R3HDM1: variants seen among roughly 807,000 people sequenced by gnomAD.
R3HDM1 encodes the protein R3H domain containing 1.
Under a neutral mutation model 141.1 loss-of-function variants are expected in R3HDM1, and 46 were observed. The observed-to-expected ratio is 0.33, with a 90% confidence interval of 0.26 to 0.42. R3HDM1 has a LOEUF of 0.42. R3HDM1 is among the 10% of genes least tolerant of loss of function. The probability of loss-of-function intolerance (pLI) is 1.00; values close to 1 mark genes in which losing one functional copy is unlikely to be tolerated. For missense variants in R3HDM1, 1,184 were observed against 1,368.3 expected, an observed-to-expected ratio of 0.87 and a Z score of 2.12; for synonymous variants, 435 against 472.9, an observed-to-expected ratio of 0.92 and a Z score of 1.04.
chr2:135,571,858 T>C (rs990173333), intron 1 of R3HDM1, among the ~76,000 whole-genome samples: 12 of 152,150 alleles, frequency 7.9e-5, no homozygotes, highest in African/African-American at 2.4e-4. Flanking sequence ...ACTCCTGGAC[T>C]CAAGCGATCT....
rs1559466005 is a variant in R3HDM1 at position 135,699,036 on chromosome 2, TA to T, written c.2460-10396del. 9.6e-3 allele frequency among the ~76,000 whole-genome samples: 1,045 copies of T among 108,340 alleles called. 8 individuals are homozygous for T. The highest frequency in any genetic ancestry group is 0.023 in the South Asian group (86 of 3,688). The allele number at this position is 108,340 out of a possible 152,430, so 71.1% of individuals were successfully genotyped here. A position where few individuals can be genotyped will look rare whatever the true frequency, so the allele number is the denominator to read the frequency against. ...ATAGATAGATAGATAGATAGATAGA[TA>T]GATAGATAAGATAGATAAGATAGAT... On this transcript the variant is annotated intron_variant, in intron 21 of 26. Coordinates refer to ENST00000683871, the MANE Select transcript of R3HDM1 (RefSeq NM_001378107.1).
At chr2:135,561,033 TGTATG>T (rs1263504872) in intron 1 of R3HDM1, among the ~76,000 whole-genome samples, 1 of 152,240 alleles carries the variant, frequency 6.6e-6, no homozygotes, top group Non-Finnish European at 1.5e-5. Flanking sequence ...TGGTAACAAA[TGTATG>T]GTACAACCAA....
intron 15 of R3HDM1, among the ~76,000 whole-genome samples, chr2:135,643,430 T>A (rs868160220): frequency 1.3e-4 from 19 of 150,870 alleles, no homozygotes; most frequent in Middle Eastern, 3.4e-3. Flanking sequence ...AAAAAAAAAA[T>A]GGAAAGGGAT....
chr2:135,571,191 A>G (rs1012532186), intron 1 of R3HDM1, among the ~76,000 whole-genome samples: 1 of 152,208 alleles, frequency 6.6e-6, no homozygotes. Flanking sequence ...AAAAAGTTTT[A>G]TATTTTATAG....
At chr2:135,659,071 G>GTGTGTGTGTGTGTGTGTGTGTGTGTGTA (rs1553607678) in intron 18 of R3HDM1, among the ~76,000 whole-genome samples, 2 of 150,344 alleles carry the variant, frequency 1.3e-5, no homozygotes, top group East Asian at 3.9e-4. Flanking sequence ...GTGTGTGTGT[G>GTGTGTGTGTGTGTGTGTGTGTGTGTGTA]TGTGTGTGTG....
At chr2:135,656,816 G>A (rs2065956402) in intron 18 of R3HDM1, among the ~76,000 whole-genome samples, 3 of 152,102 alleles carry the variant, frequency 2.0e-5, no homozygotes, top group Admixed American at 1.3e-4. Flanking sequence ...ATTGGCAGCC[G>A]GGCACAGTGG....
At chr2:135,535,790 T>C (rs1004319194) in intron 1 of R3HDM1, among the ~76,000 whole-genome samples, 2 of 152,226 alleles carry the variant, frequency 1.3e-5, no homozygotes, top group African/African-American at 4.8e-5. Context: ...AGCATCAACA[T>C]GACTGTATAT....
chr2:135,653,906 A>G (rs1462475089), intron 18 of R3HDM1, among the ~76,000 whole-genome samples: 2 of 152,096 alleles, frequency 1.3e-5, no homozygotes, highest in East Asian at 3.9e-4. Context: ...TTTTAGCGTT[A>G]TGTGGTTTTT....
At chr2:135,631,145 T>C (rs2062672100) in intron 7 of R3HDM1, among the ~76,000 whole-genome samples, 1 of 152,160 alleles carries the variant, frequency 6.6e-6, no homozygotes, top group African/African-American at 2.4e-5. Flanking sequence ...ATCTACATAC[T>C]AGTATTAGAT....
chr2:135,607,916 T>G (rs1031571876), intron 3 of R3HDM1: 1 of 983,572 alleles, frequency 1.0e-6, no homozygotes, highest in Non-Finnish European at 1.2e-6. Flanking sequence ...TCCTATAGCA[T>G]AGCGACTGTA....
intron 24 of R3HDM1, among the ~76,000 whole-genome samples, chr2:135,721,304 T>A (rs1318277237): frequency 6.6e-6 from 1 of 152,136 alleles, no homozygotes; most frequent in African/African-American, 2.4e-5. Context: ...ATAGTGAGAC[T>A]CTATCTCTAC....
At chr2:135,535,471 C>T (rs1421793276) in intron 1 of R3HDM1, among the ~76,000 whole-genome samples, 1 of 150,968 alleles carries the variant, frequency 6.6e-6, no homozygotes, top group East Asian at 1.9e-4. Context: ...TGCACTCCAG[C>T]CTGGCGACAG....
intron 19 of R3HDM1, chr2:135,669,538 A>G: frequency 1.0e-6 from 1 of 985,306 alleles, no homozygotes; most frequent in Non-Finnish European, 1.2e-6. Flanking sequence ...CAGAAAATGA[A>G]GCAAGGCCAG....
chr2:135,667,285 C>G (rs1016011990), intron 19 of R3HDM1: 12 of 882,596 alleles, frequency 1.4e-5, no homozygotes, highest in Admixed American at 1.2e-4. Context: ...TTATATTGTC[C>G]TAGTTCTCTT....
intron 2 of R3HDM1, 56 bp from the exon 3 acceptor site, chr2:135,604,750 C>A (rs1247260957): frequency 1.3e-5 from 17 of 1,295,632 alleles, no homozygotes; most frequent in Non-Finnish European, 1.9e-5. Context: ...AGGTCAGTAT[C>A]ATGCAGTAAC....
intron 3 of R3HDM1, among the ~76,000 whole-genome samples, chr2:135,612,357 C>T (rs921232917): frequency 1.3e-5 from 2 of 152,158 alleles, no homozygotes; most frequent in African/African-American, 4.8e-5. Context: ...AATTTTTCTT[C>T]ATAACAATTA....
chr2:135,722,020 C>G lies in R3HDM1; in HGVS notation c.2964+14C>G. On this transcript the variant is annotated intron_variant, in intron 25 of 26. Transcript: ENST00000683871. ...CCAAACCAACAGGTAGGAAAGACAACTAACCTCCTAGGCTTTGTTGCAGAA... is the reference window on the plus strand; with the variant it reads ...CCAAACCAACAGGTAGGAAAGACAAGTAACCTCCTAGGCTTTGTTGCAGAA... 2 of 1,602,548 alleles carry G rather than the reference C, an allele frequency of 1.2e-6. No individual in the cohort carries two copies. The highest frequency in any genetic ancestry group is 8.6e-7 in the Non-Finnish European group (1 of 1,169,458).
At chr2:135,601,454 T>A (rs2059614208) in intron 1 of R3HDM1, among the ~76,000 whole-genome samples, 1 of 152,230 alleles carries the variant, frequency 6.6e-6, no homozygotes, top group African/African-American at 2.4e-5. Flanking sequence ...ATTAGGTCTC[T>A]TGGTGCTTAG....
chr2:135,622,427 T>A, intron 6 of R3HDM1: 1 of 984,356 alleles, frequency 1.0e-6, no homozygotes, highest in Non-Finnish European at 1.2e-6. Flanking sequence ...AATTTTTTTT[T>A]AAGAATGTGC....
Sources: gnomAD v4.1 joint callset for allele counts (sites outside exome capture counted in the v4.1 genomes callset) on GRCh38, gnomAD v4.1.1 for gene constraint, MANE v1.5 for transcripts, NCBI Gene and HGNC (gene_info 2026-07-23, HGNC 2026-07-21) for gene names.